The following UBE2W variants were observed in gnomAD, a reference collection of about 807,000 sequenced individuals.
UBE2W encodes ubiquitin-conjugating enzyme E2 W.
In UBE2W, 18 loss-of-function variants were observed where a neutral mutation model predicts 27.2. The observed-to-expected ratio is 0.66, with a 90% CI of 0.46 to 0.98. The LOEUF (loss-of-function observed/expected upper bound fraction) is 0.98. UBE2W is among the 50% of genes least tolerant of loss of function. The pLI is 0.00. For missense variants in UBE2W, 90 were observed against 180.2 expected, an observed-to-expected ratio of 0.50 and a Z score of 2.87; for synonymous variants, 53 against 57.2, an observed-to-expected ratio of 0.93 and a Z score of 0.33.
intron 1 of UBE2W, among the ~76,000 whole-genome samples, chr8:73,848,583 A>G (rs990791914): frequency 1.3e-5 from 2 of 152,168 alleles, no homozygotes; most frequent in Non-Finnish European, 2.9e-5. Flanking sequence ...TACTCAGCAG[A>G]CAGGAGACTA....
chr8:73,876,109 CTT>C (rs1812210621), intron 1 of UBE2W, among the ~76,000 whole-genome samples: 1 of 152,008 alleles, frequency 6.6e-6, no homozygotes, highest in African/African-American at 2.4e-5. Context: ...TTATCTGTCT[CTT>C]CTTATGAGAC....
chr8:73,806,625 T>C (rs969401284), intron 4 of UBE2W, among the ~76,000 whole-genome samples: 1 of 150,658 alleles, frequency 6.6e-6, no homozygotes, highest in African/African-American at 2.4e-5. Context: ...GGCAGGAGAA[T>C]GGCGTGAGAC....
At chr8:73,840,184 G>C (rs548517706) in intron 1 of UBE2W, among the ~76,000 whole-genome samples, 16 of 152,218 alleles carry the variant, frequency 1.1e-4, no homozygotes, top group Non-Finnish European at 1.9e-4. Context: ...AGCCTCCTGA[G>C]TAGCTGGGAC....
chr8:73,869,584 G>A (rs1177568904), intron 1 of UBE2W, among the ~76,000 whole-genome samples: 2 of 152,112 alleles, frequency 1.3e-5, no homozygotes, highest in Admixed American at 6.6e-5. Context: ...CCAGCTACTC[G>A]GGAGGCTGAA....
At chr8:73,826,169 C>A (rs1017844180) in intron 2 of UBE2W, among the ~76,000 whole-genome samples, 4 of 152,154 alleles carry the variant, frequency 2.6e-5, no homozygotes, top group Non-Finnish European at 5.9e-5. Flanking sequence ...TTTAATAAAG[C>A]CCATTTCTAT....
At chr8:73,820,475 G>T (rs776299388) in intron 3 of UBE2W, among the ~76,000 whole-genome samples, 1 of 152,080 alleles carries the variant, frequency 6.6e-6, no homozygotes, top group Non-Finnish European at 1.5e-5. Context: ...CACTGGGCGT[G>T]CCTATGATCC....
At position 73,793,852 on chromosome 8, in the gene UBE2W, G is replaced by T; in HGVS notation, c.*250C>A. 8.2e-7 allele frequency: 1 copy of T among 1,223,526 alleles called. No homozygotes were observed. Among genetic ancestry groups the T allele is most frequent in the Non-Finnish European group, 1.0e-6 (1 of 975,916 alleles). 75.8% of individuals were successfully genotyped at this position (1,223,526 alleles called of 1,614,324 possible). On this transcript the variant is annotated 3_prime_UTR_variant, in exon 6 of 6. Coordinates refer to ENST00000602593, the MANE Select transcript of UBE2W (RefSeq NM_018299.6). ...CTTAAAAAAATAAAAATAAAAAATGGAATTATATTTGACATTTCCTGACAC... is the reference window on the plus strand; with the variant it reads ...CTTAAAAAAATAAAAATAAAAAATGTAATTATATTTGACATTTCCTGACAC...
At chr8:73,813,153 A>C (rs1809241570) in intron 3 of UBE2W, among the ~76,000 whole-genome samples, 1 of 150,862 alleles carries the variant, frequency 6.6e-6, no homozygotes, top group African/African-American at 2.4e-5. Flanking sequence ...TGAATCACCA[A>C]CCTTTAAAGA....
intron 1 of UBE2W, chr8:73,831,182 C>G: frequency 2.2e-6 from 1 of 452,212 alleles, no homozygotes; most frequent in Non-Finnish European, 4.1e-6. Context: ...AGAGCACAGC[C>G]AAATGGGTGG....
At chr8:73,827,542 T>C (rs1054402062) in intron 2 of UBE2W, among the ~76,000 whole-genome samples, 1 of 151,942 alleles carries the variant, frequency 6.6e-6, no homozygotes, top group Non-Finnish European at 1.5e-5. Context: ...ATAATCCTTT[T>C]GTTTTGAGAC....
chr8:73,827,342 T>C (rs1288832264), intron 2 of UBE2W, among the ~76,000 whole-genome samples: 1 of 152,064 alleles, frequency 6.6e-6, no homozygotes, highest in Non-Finnish European at 1.5e-5. Context: ...GCCTCCCAAG[T>C]AGCTGGGATT....
At chr8:73,783,655 CT>C, downstream of UBE2W, among the ~76,000 whole-genome samples, 1 of 152,308 alleles carries the variant, frequency 6.6e-6, no homozygotes, top group African/African-American at 2.4e-5. Context: ...CTCTGTGACT[CT>C]TCCAATCCAT....
chr8:73,794,563 C>T (rs773961112), intron 5 of UBE2W, among the ~76,000 whole-genome samples: 10 of 152,140 alleles, frequency 6.6e-5, no homozygotes, highest in Non-Finnish European at 1.3e-4. Context: ...CAATGAGATA[C>T]AATCTCCAAA....
At chr8:73,859,776 A>G (rs1811467090) in intron 1 of UBE2W, among the ~76,000 whole-genome samples, 1 of 152,186 alleles carries the variant, frequency 6.6e-6, no homozygotes, top group South Asian at 2.1e-4. Context: ...AAGCTCTGTC[A>G]TCATGCAAAA....
At position 73,789,309 on chromosome 8, in the gene UBE2W, A is replaced by T. The variant is rs1410046423; in HGVS notation, c.*4793T>A. ...AACATGGTGAGACCTCGTGTCTTTA[A>T]AAAAAAAAAAAAAAAAAAAAAAAAA... On this transcript the variant is annotated 3_prime_UTR_variant, in exon 6 of 6. Transcript: ENST00000602593. 5.1e-4 allele frequency: 62 copies of T among 122,720 alleles called. No homozygotes were observed. In the African/African-American group the frequency reaches 6.3e-3, roughly 12 times the overall value. 7.6% of individuals were successfully genotyped at this position (122,720 alleles called of 1,614,324 possible).
Position 73,792,222 on chromosome 8 carries a change from C to G in UBE2W, c.*1880G>C. 1.9e-5 allele frequency: 19 copies of G among 985,604 alleles called. No homozygotes were observed. Among genetic ancestry groups the G allele is most frequent in the Non-Finnish European group, 2.3e-5 (19 of 829,820 alleles). 61.1% of individuals were successfully genotyped at this position (985,604 alleles called of 1,614,324 possible). On this transcript the variant is annotated 3_prime_UTR_variant, in exon 6 of 6. Coordinates refer to ENST00000602593, the MANE Select transcript of UBE2W (RefSeq NM_018299.6). ...TAAACAGGCCAACTAATAAAACTGACAGAGATCATTGTGAGAATTTATCTA... is the reference window on the plus strand; with the variant it reads ...TAAACAGGCCAACTAATAAAACTGAGAGAGATCATTGTGAGAATTTATCTA...
At chr8:73,806,123 C>G (rs1808894317) in intron 4 of UBE2W, among the ~76,000 whole-genome samples, 1 of 151,926 alleles carries the variant, frequency 6.6e-6, no homozygotes. Flanking sequence ...ACATTGCACT[C>G]CAGCCTGACA....
intron 3 of UBE2W, among the ~76,000 whole-genome samples, chr8:73,815,015 T>G (rs967250177): frequency 5.3e-5 from 8 of 152,216 alleles, no homozygotes; most frequent in Non-Finnish European, 1.2e-4. Flanking sequence ...GTACTGTGAA[T>G]GTAGTGCCTT....
At chr8:73,818,829 C>T (rs1367715880) in intron 3 of UBE2W, among the ~76,000 whole-genome samples, 1 of 152,244 alleles carries the variant, frequency 6.6e-6, no homozygotes, top group East Asian at 1.9e-4. Flanking sequence ...GCTCCCTCTT[C>T]ACCTTCTGCC....
Sources: allele counts gnomAD v4.1 joint callset (sites outside exome capture counted in the v4.1 genomes callset), GRCh38; gene constraint gnomAD v4.1.1; transcripts MANE v1.5; gene names NCBI Gene and HGNC (gene_info 2026-07-23, HGNC 2026-07-21).